Variants in LHFPL3 observed in about 807,000 individuals in gnomAD.
LHFPL3 encodes LHFPL tetraspan subfamily member 3.
Under a neutral mutation model 19.3 loss-of-function variants are expected in LHFPL3, and 5 were observed. The observed-to-expected ratio is 0.26, with a 90% CI of 0.14 to 0.54. LHFPL3 has a LOEUF of 0.54. LHFPL3 is among the 20% of genes least tolerant of loss of function. The pLI is 0.94. For missense variants in LHFPL3, 249 were observed against 307.4 expected, an observed-to-expected ratio of 0.81 and a Z score of 1.42; for synonymous variants, 133 against 126.2, an observed-to-expected ratio of 1.05 and a Z score of -0.36.
At chr7:104,861,651 C>T (rs1023535339) in intron 2 of LHFPL3, among the ~76,000 whole-genome samples, 2 of 152,124 alleles carry the variant, frequency 1.3e-5, no homozygotes, top group African/African-American at 4.8e-5. Flanking sequence ...TAAAAAAACG[C>T]AGCCACCCAA....
chr7:104,742,812 CTT>C (rs1450532511), intron 2 of LHFPL3, among the ~76,000 whole-genome samples: 1 of 152,132 alleles, frequency 6.6e-6, no homozygotes, highest in Non-Finnish European at 1.5e-5. Flanking sequence ...ATTAAATACT[CTT>C]TTAGGAACTT....
chr7:104,746,681 G>T (rs1271630578), intron 2 of LHFPL3, among the ~76,000 whole-genome samples: 4 of 152,204 alleles, frequency 2.6e-5, no homozygotes, highest in African/African-American at 9.6e-5. Flanking sequence ...AGCTCTGTGA[G>T]TTTGGGCAAA....
intron 1 of LHFPL3, among the ~76,000 whole-genome samples, chr7:104,693,702 T>TC (rs1175567183): frequency 6.6e-6 from 1 of 151,914 alleles, no homozygotes; most frequent in East Asian, 1.9e-4. Context: ...TTTTCTTTTT[T>TC]TTTTTTTTTA....
intron 1 of LHFPL3, among the ~76,000 whole-genome samples, chr7:104,502,851 G>A (rs1562918070): frequency 2.0e-5 from 3 of 152,116 alleles, no homozygotes; most frequent in Non-Finnish European, 2.9e-5. Context: ...GTTCTGATAA[G>A]TCTAGTTTTC....
intron 2 of LHFPL3, among the ~76,000 whole-genome samples, chr7:104,876,531 A>G (rs1052940556): frequency 6.6e-6 from 1 of 151,004 alleles, no homozygotes; most frequent in Non-Finnish European, 1.5e-5. Context: ...AAAAATGCTC[A>G]TCAACACTGG....
intron 1 of LHFPL3, among the ~76,000 whole-genome samples, chr7:104,608,065 A>C (rs1791138661): frequency 6.6e-6 from 1 of 152,214 alleles, no homozygotes; most frequent in African/African-American, 2.4e-5. Flanking sequence ...AAACTAGTTC[A>C]ACCATTGTGG....
intron 1 of LHFPL3, among the ~76,000 whole-genome samples, chr7:104,728,412 C>G (rs182914907): frequency 2.7e-4 from 41 of 152,300 alleles, no homozygotes; most frequent in African/African-American, 9.4e-4. Flanking sequence ...TGATACATAA[C>G]CCTTGCCTGC....
At chr7:104,376,944 C>G (rs1039061677) in intron 1 of LHFPL3, among the ~76,000 whole-genome samples, 5 of 152,054 alleles carry the variant, frequency 3.3e-5, no homozygotes, top group Admixed American at 2.0e-4. Flanking sequence ...TGGGTTATGA[C>G]TTTAATATTT....
chr7:104,653,009 G>C (rs1219605103), intron 1 of LHFPL3, among the ~76,000 whole-genome samples: 1 of 151,188 alleles, frequency 6.6e-6, no homozygotes, highest in African/African-American at 2.4e-5. Context: ...CAGAGGCTGG[G>C]AGACAGGGCC....
intron 2 of LHFPL3, among the ~76,000 whole-genome samples, chr7:104,892,414 CAAA>C (rs1405094607): frequency 6.6e-6 from 1 of 151,886 alleles, no homozygotes; most frequent in Non-Finnish European, 1.5e-5. Flanking sequence ...TTTTCAGAGT[CAAA>C]AAACATCCTA....
intron 1 of LHFPL3, among the ~76,000 whole-genome samples, chr7:104,452,884 C>G (rs1792467575): frequency 6.6e-6 from 1 of 152,112 alleles, no homozygotes; most frequent in East Asian, 1.9e-4. Flanking sequence ...TAAAATTCAT[C>G]CATAGACTGA....
intron 1 of LHFPL3, among the ~76,000 whole-genome samples, chr7:104,602,024 T>C (rs1423202530): frequency 7.5e-6 from 1 of 133,522 alleles, no homozygotes; most frequent in African/African-American, 2.8e-5. Context: ...TCTTTTCTTT[T>C]TTTTTTTTTT....
At chr7:104,513,280 G>A (rs1793856340) in intron 1 of LHFPL3, among the ~76,000 whole-genome samples, 4 of 152,182 alleles carry the variant, frequency 2.6e-5, no homozygotes, top group Admixed American at 6.5e-5. Context: ...AGAACAAGTG[G>A]AGTGTAACTT....
intron 1 of LHFPL3, among the ~76,000 whole-genome samples, chr7:104,391,925 G>A (rs1300000791): frequency 1.3e-5 from 2 of 152,054 alleles, no homozygotes; most frequent in Non-Finnish European, 2.9e-5. Flanking sequence ...GGATTCCTAG[G>A]TATTTTATTC....
intron 1 of LHFPL3, among the ~76,000 whole-genome samples, chr7:104,454,916 A>T (rs894848494): frequency 2.6e-5 from 4 of 152,324 alleles, no homozygotes; most frequent in African/African-American, 7.2e-5. Flanking sequence ...GTTCTTTGTT[A>T]CCACTGTCTT....
At chr7:104,805,456 C>T (rs1179384010) in intron 2 of LHFPL3, among the ~76,000 whole-genome samples, 4 of 152,200 alleles carry the variant, frequency 2.6e-5, no homozygotes, top group African/African-American at 7.2e-5. Flanking sequence ...TCACCTGTTA[C>T]AATTTGAGGT....
chr7:104,518,201 ATAC>A (rs925251479), intron 1 of LHFPL3, among the ~76,000 whole-genome samples: 13 of 152,194 alleles, frequency 8.5e-5, no homozygotes, highest in Admixed American at 2.6e-4. Flanking sequence ...GATCATTTGT[ATAC>A]TACTAACAGT....
In LHFPL3 at chr7:104,464,622, A is replaced by G. The variant is rs540983292; in HGVS notation, c.445+135398A>G. Among the ~76,000 whole-genome samples, 4 of 152,340 alleles carry G rather than the reference A, an allele frequency of 2.6e-5. No individual in the cohort carries two copies. In the East Asian group the frequency reaches 7.7e-4, roughly 29 times the overall value. The stretch of plus-strand genomic sequence containing the variant: ...ACCTGCAGGACTAATAGCATATGGA[A>G]GCTGCGAAGGCTTGGGGCTTGCAGT... On this transcript the variant is annotated intron_variant, in intron 1 of 2. Transcript: ENST00000424859.
intron 1 of LHFPL3, among the ~76,000 whole-genome samples, chr7:104,597,242 C>T (rs1292644709): frequency 1.3e-5 from 2 of 152,164 alleles, no homozygotes; most frequent in African/African-American, 2.4e-5. Context: ...AATAAATGTT[C>T]TTTCTTTTGC....
Sources: gnomAD v4.1 joint callset for allele counts (sites outside exome capture counted in the v4.1 genomes callset) on GRCh38, gnomAD v4.1.1 for gene constraint, MANE v1.5 for transcripts, NCBI Gene and HGNC (gene_info 2026-07-23, HGNC 2026-07-21) for gene names.